The following DZIP1L variants were observed in gnomAD, a reference collection of about 807,000 sequenced individuals.
The protein encoded by DZIP1L is DAZ interacting zinc finger protein 1 like.
Under a neutral mutation model 88.7 loss-of-function variants are expected in DZIP1L, and 90 were observed. The observed-to-expected ratio is 1.02, with a 90% CI of 0.86 to 1.21. DZIP1L has a LOEUF of 1.21. Among genes scored for constraint, DZIP1L ranks in the 50% most tolerant of loss-of-function variants. The pLI, the probability that DZIP1L is intolerant of heterozygous loss-of-function variation, is 0.00. For missense variants in DZIP1L, 932 were observed against 955.8 expected, an observed-to-expected ratio of 0.98 and a Z score of 0.33; for synonymous variants, 363 against 372.1, an observed-to-expected ratio of 0.98 and a Z score of 0.28.
intron 12 of DZIP1L, among the ~76,000 whole-genome samples, chr3:138,070,051 G>A (rs961478836): frequency 9.9e-5 from 15 of 152,160 alleles, no homozygotes; most frequent in Non-Finnish European, 1.9e-4. Context: ...TGGGTGGGGC[G>A]TAGCACCTAG....
chr3:138,085,920 T>C (rs1318369630), intron 7 of DZIP1L, among the ~76,000 whole-genome samples: 2 of 152,146 alleles, frequency 1.3e-5, no homozygotes, highest in African/African-American at 2.4e-5. Context: ...TGGAATACTA[T>C]GCAGCCATAA....
intron 7 of DZIP1L, among the ~76,000 whole-genome samples, chr3:138,085,065 G>A (rs565128446): frequency 8.5e-5 from 13 of 152,306 alleles, no homozygotes; most frequent in East Asian, 1.9e-4. Flanking sequence ...GTCAGGTAGC[G>A]TGATGCCTCC....
intron 11 of DZIP1L, among the ~76,000 whole-genome samples, chr3:138,073,505 G>A (rs536527406): frequency 6.6e-6 from 1 of 152,156 alleles, no homozygotes; most frequent in Non-Finnish European, 1.5e-5. Flanking sequence ...CCCATTCCTA[G>A]GGGAAGGGGG....
chr3:138,062,252 A>C lies in DZIP1L; in HGVS notation c.*564T>G, dbSNP rs1942741327. On this transcript the variant is annotated 3_prime_UTR_variant, in exon 16 of 16. Transcript: ENST00000327532. ...GATGGCCTCTCATATGCTCCCCATA[A>C]CACCCTGTTCTCTGTCACTAGATTA... The C allele has an allele frequency of 6.5e-6, 1 of 152,948 alleles. No homozygotes were observed. The highest frequency in any genetic ancestry group is 1.5e-5 in the Non-Finnish European group (1 of 68,628). The allele number at this position is 152,948 out of a possible 1,614,324, so 9.5% of individuals were successfully genotyped here.
intron 7 of DZIP1L, among the ~76,000 whole-genome samples, chr3:138,085,755 G>A (rs1943900394): frequency 6.6e-6 from 1 of 152,152 alleles, no homozygotes; most frequent in Non-Finnish European, 1.5e-5. Context: ...TCCCATTACT[G>A]GGTATATACC....
intron 12 of DZIP1L, among the ~76,000 whole-genome samples, chr3:138,070,141 C>T (rs559554889): frequency 6.6e-6 from 1 of 152,174 alleles, no homozygotes; most frequent in East Asian, 1.9e-4. Context: ...AGTCCCTGTC[C>T]CCTCCCTCCT....
Position 138,094,975 on chromosome 3 carries a change from T to A in DZIP1L, c.595A>T (p.Lys199Ter). 6.2e-7 allele frequency: 1 copy of A among 1,614,244 alleles called. No homozygotes were observed. The highest frequency in any genetic ancestry group is 8.5e-7 in the Non-Finnish European group (1 of 1,180,044). Reference sequence around the variant, plus strand: ...TCTTCCACTGGCTGTTCCTGTTTCTTCTGTTTTCCTGTGGGGTCCACGCAA... The same window carrying A: ...TCTTCCACTGGCTGTTCCTGTTTCTACTGTTTTCCTGTGGGGTCCACGCAA... ...HAGVAEGGKQKKQEQPVEEVL... is the reference protein window; with the variant it reads ...HAGVAEGGKQ The change falls in exon 4 of 16, where the codon AAG (lysine) becomes TAG (stop). Residue 199 changes from lysine (K) to a stop codon, truncating the protein, a stop_gained. Transcript: ENST00000327532. LOFTEE classifies it high-confidence loss of function.
intron 1 of DZIP1L, chr3:138,113,495 G>C (rs2107875327): frequency 6.6e-6 from 1 of 152,306 alleles, no homozygotes. Context: ...TGGCTCCCAA[G>C]CTAACTTCAG....
intron 5 of DZIP1L, chr3:138,088,860 C>T: frequency 1.0e-6 from 1 of 992,476 alleles, no homozygotes; most frequent in African/African-American, 1.7e-5. Flanking sequence ...CTCTTAGAGC[C>T]TATGGGAGGG....
chr3:138,085,423 A>C (rs1943881115), intron 7 of DZIP1L, among the ~76,000 whole-genome samples: 1 of 152,182 alleles, frequency 6.6e-6, no homozygotes, highest in Non-Finnish European at 1.5e-5. Flanking sequence ...AAAAACAAAC[A>C]ACCCCATCAA....
chr3:138,086,900 C>T, intron 7 of DZIP1L, 61 bp downstream of exon 7: 1 of 1,572,782 alleles, frequency 6.4e-7, no homozygotes, highest in Non-Finnish European at 8.7e-7. Context: ...GTGGAGAATG[C>T]TGAATTCTGA....
chr3:138,095,393 A>T (rs1443143509), intron 3 of DZIP1L, among the ~76,000 whole-genome samples: 3 of 152,212 alleles, frequency 2.0e-5, no homozygotes, highest in African/African-American at 7.2e-5. Flanking sequence ...TACAAAGAAC[A>T]TATCCATGTA....
At chr3:138,106,127 C>CTTTTTTTTTTTTTTT (rs56146259) in intron 1 of DZIP1L, among the ~76,000 whole-genome samples, 2 of 64,530 alleles carry the variant, frequency 3.1e-5, no homozygotes, top group Non-Finnish European at 5.6e-5. Flanking sequence ...AGTCTTCTTT[C>CTTTTTTTTTTTTTTT]TTTTTTTTTT....
chr3:138,092,456 TC>T lies in DZIP1L; in HGVS notation c.796del (p.Glu266LysfsTer2). 1.2e-6 allele frequency: 2 copies of T among 1,607,844 alleles called. No individual in the cohort carries two copies. Among genetic ancestry groups the T allele is most frequent in the Non-Finnish European group, 1.7e-6 (2 of 1,177,586 alleles). ...KEQEWTKLYGEIDKLKKLFWD... is the reference protein window; with the variant it reads ...KEQEWTKLYGXIDKLKKLFWD... ...AAATAATTTTTTTAGTTTATCTATT[TC>T]CCCATAAAGTTTGGTCCACTCTTGC... On this transcript the variant is annotated frameshift_variant, in exon 5 of 16. Transcript: ENST00000327532. LOFTEE classifies it high-confidence loss of function.
At chr3:138,089,352 T>A in intron 5 of DZIP1L, 1 of 795,512 alleles carries the variant, frequency 1.3e-6, no homozygotes, top group Non-Finnish European at 1.5e-6. Context: ...TTCCATATGC[T>A]GCTTATGACA....
intron 12 of DZIP1L, 73 bp downstream of exon 12, chr3:138,071,570 T>TATA: frequency 3.3e-6 from 5 of 1,521,536 alleles, no homozygotes; most frequent in Non-Finnish European, 4.4e-6. Context: ...ACCCTCCTCA[T>TATA]GTGCAAACAA....
At chr3:138,089,248 G>T in intron 5 of DZIP1L, 1 of 985,306 alleles carries the variant, frequency 1.0e-6, no homozygotes, top group Non-Finnish European at 1.2e-6. Context: ...TGGTTCCAAA[G>T]GTTAACAATT....
intron 1 of DZIP1L, among the ~76,000 whole-genome samples, chr3:138,106,246 C>G (rs1326243417): frequency 2.8e-5 from 4 of 141,032 alleles, no homozygotes; most frequent in African/African-American, 5.2e-5. Flanking sequence ...TCATGCAATT[C>G]TCCTGCCTCA....
chr3:138,078,479 C>T (rs1191659044), intron 10 of DZIP1L, among the ~76,000 whole-genome samples: 1 of 152,210 alleles, frequency 6.6e-6, no homozygotes, highest in Non-Finnish European at 1.5e-5. Context: ...CAGAATCTCT[C>T]AAGGTGGACC....
Sources: allele counts gnomAD v4.1 joint callset (sites outside exome capture counted in the v4.1 genomes callset), GRCh38; gene constraint gnomAD v4.1.1; transcripts MANE v1.5; gene names NCBI Gene and HGNC (gene_info 2026-07-23, HGNC 2026-07-21).